Variants in MARS1 observed in about 807,000 individuals in gnomAD.
MARS1 encodes methionyl-tRNA synthetase 1.
Under a neutral mutation model 119.5 loss-of-function variants are expected in MARS1, and 80 were observed. The ratio of observed to expected loss-of-function variants is 0.67; its 90% confidence interval spans 0.56 to 0.81. The LOEUF (loss-of-function observed/expected upper bound fraction) is 0.81. MARS1 is among the 30% of genes least tolerant of loss of function. MARS1 has a pLI of 0.00. For synonymous variants in MARS1, 418 were observed against 433.4 expected, an observed-to-expected ratio of 0.96 and a Z score of 0.44; for missense variants, 945 against 1,116.5, an observed-to-expected ratio of 0.85 and a Z score of 2.19.
rs781196534 is a variant in MARS1 at position 57,489,415 on chromosome 12, G to C, written c.280-9G>C. 1 of 1,614,192 alleles carries C rather than the reference G, an allele frequency of 6.2e-7. No homozygotes were observed. Among genetic ancestry groups the C allele is most frequent in the South Asian group, 1.1e-5 (1 of 91,088 alleles). On this transcript the variant is annotated splice_polypyrimidine_tract_variant and intron_variant, in intron 3 of 20. Transcript: ENST00000262027. The stretch of plus-strand genomic sequence containing the variant: ...GTGGCCATCCTGACTCATGTCCCCT[G>C]CATTTTAGCCAGCTTTGTCTGCTGC...
At chr12:57,494,116 C>A (rs1459759878) in intron 7 of MARS1, among the ~76,000 whole-genome samples, 2 of 135,514 alleles carry the variant, frequency 1.5e-5, no homozygotes, top group Middle Eastern at 5.3e-3. Flanking sequence ...CCACCATGCC[C>A]AGCTAATTTT....
intron 7 of MARS1, among the ~76,000 whole-genome samples, chr12:57,492,042 G>A (rs1338369155): frequency 1.3e-5 from 2 of 152,034 alleles, no homozygotes; most frequent in African/African-American, 4.8e-5. Flanking sequence ...CACTTTGGGA[G>A]GCTGAGGTGG....
chr12:57,488,966 AT>A, intron 1 of MARS1, 52 bp from the exon 2 acceptor site: 1 of 1,335,784 alleles, frequency 7.5e-7, no homozygotes, highest in East Asian at 2.3e-5. Flanking sequence ...TTGACAAAGT[AT>A]TTCTTTTCTT....
Position 57,511,048 on chromosome 12 carries a change from G to C in MARS1, c.1369-650G>C, listed in dbSNP as rs572628308. On this transcript the variant is annotated intron_variant, in intron 11 of 20. Coordinates refer to ENST00000262027, the MANE Select transcript of MARS1 (RefSeq NM_004990.4). Reference sequence around the variant, plus strand: ...ATGATGTGCCACTGTACTCCAGCCTGGGTGACAGTGAGACCCTGATATGGA... The same window carrying C: ...ATGATGTGCCACTGTACTCCAGCCTCGGTGACAGTGAGACCCTGATATGGA... Among the ~76,000 whole-genome samples, 20 of 152,048 alleles carry C rather than the reference G, an allele frequency of 1.3e-4. No homozygotes were observed. In the East Asian group the frequency reaches 3.9e-3, roughly 30 times the overall value.
rs899653 is a variant in MARS1 at position 57,490,018 on chromosome 12, G to T, written c.490+47G>T. The T allele has an allele frequency of 6.4e-6, 10 of 1,565,034 alleles. No individual in the cohort carries two copies. In the African/African-American group the frequency reaches 1.4e-4, roughly 21 times the overall value. On this transcript the variant is annotated intron_variant, in intron 5 of 20. Coordinates refer to ENST00000262027, the MANE Select transcript of MARS1 (RefSeq NM_004990.4). ...CCAACCCTAGGAGCTTGGTGTAGGG[G>T]TTACAGAATGGGCAGTAGAATACTG...
At chr12:57,488,604 C>G in intron 1 of MARS1, 1 of 1,551,084 alleles carries the variant, frequency 6.4e-7, no homozygotes, top group Non-Finnish European at 8.7e-7. Flanking sequence ...ACGTTCCTTT[C>G]TGTTTACCTC....
intron 7 of MARS1, among the ~76,000 whole-genome samples, chr12:57,492,669 T>TCTCACACACACACA (rs1217908969): frequency 8.6e-5 from 12 of 139,546 alleles, no homozygotes; most frequent in African/African-American, 2.9e-4. Context: ...CGACTCCATT[T>TCTCACACACACACA]CACACACACA....
At chr12:57,492,210 C>T (rs1294189530) in intron 7 of MARS1, among the ~76,000 whole-genome samples, 3 of 147,180 alleles carry the variant, frequency 2.0e-5, no homozygotes, top group South Asian at 2.2e-4. Flanking sequence ...ACCTGGGAGG[C>T]GGAGGTTGCA....
Position 57,514,793 on chromosome 12 carries a change from C to T in MARS1, c.2041C>T (p.Leu681=). Reference sequence around the variant, plus strand: ...GGTGCTCACCCCTGATGATCAGCGCCTGCTGGCCCATGTCACCCTGGAGCT... The same window carrying T: ...GGTGCTCACCCCTGATGATCAGCGCTTGCTGGCCCATGTCACCCTGGAGCT... ...EMVLTPDDQR[L]LAHVTLELQH... Residue 681 remains leucine (L), a synonymous_variant, in exon 16 of 21, where the codon CTG becomes TTG. Transcript: ENST00000262027. 6.2e-7 allele frequency: 1 copy of T among 1,614,240 alleles called. No individual in the cohort carries two copies. Among genetic ancestry groups the T allele is most frequent in the Non-Finnish European group, 8.5e-7 (1 of 1,180,042 alleles).
In MARS1 at chr12:57,498,504, G is replaced by A. The variant is rs755505329; in HGVS notation, c.972G>A (p.Glu324=). 5.6e-6 allele frequency: 9 copies of A among 1,614,212 alleles called. No individual in the cohort carries two copies. The highest frequency in any genetic ancestry group is 1.6e-4 in the Middle Eastern group (1 of 6,062). ...CAGCAACAGAGACCAAGGCTCTGGA[G>A]GAGGGACTAACCCCCCAGGAGATCT... ...YGTATETKAL[E]EGLTPQEICD... The change falls in exon 9 of 21, where the codon GAG becomes GAA. Residue 324 remains glutamate, a synonymous_variant. Coordinates refer to ENST00000262027, the MANE Select transcript of MARS1 (RefSeq NM_004990.4).
chr12:57,489,617 A>C, intron 4 of MARS1, 59 bp downstream of exon 4: 1 of 1,606,848 alleles, frequency 6.2e-7, no homozygotes, highest in Non-Finnish European at 8.5e-7. Context: ...ATTAAGAGGG[A>C]AGACTGTATT....
In MARS1 at chr12:57,490,628, C is replaced by T. The variant is rs1179178469; in HGVS notation, c.754C>T (p.Pro252Ser). ...CCTAGAAAGTTTGCCCCCGCTGCGG[C>T]CCCAGCAGAATCCAGTGTGAGTAGA... is the stretch of plus-strand genomic sequence containing the variant. ...KGLESLPPLR[P>S]QQNPVLPVAG... is the part of the protein sequence containing the mutation. The change falls in exon 7 of 21, where the codon CCC becomes TCC. Residue 252 changes from proline (P) to serine (S), a missense_variant. Physicochemically the swap from Pro to Ser is moderately conservative, Grantham distance 74. Transcript: ENST00000262027. 1.9e-6 allele frequency: 3 copies of T among 1,614,018 alleles called. No homozygotes were observed. The highest frequency in any genetic ancestry group is 4.5e-5 in the East Asian group (2 of 44,874).
intron 7 of MARS1, among the ~76,000 whole-genome samples, chr12:57,492,349 T>C (rs904854415): frequency 2.0e-5 from 3 of 148,874 alleles, no homozygotes; most frequent in Non-Finnish European, 4.5e-5. Context: ...AGGTGACTAA[T>C]TTAGAGGCCT....
At chr12:57,493,886 A>T (rs868590009) in intron 7 of MARS1, among the ~76,000 whole-genome samples, 9 of 52,094 alleles carry the variant, frequency 1.7e-4, no homozygotes, top group African/African-American at 7.4e-4. Context: ...ATAATATATA[A>T]TATATATTTA....
At chr12:57,501,683 G>T (rs1876922673) in intron 10 of MARS1, among the ~76,000 whole-genome samples, 1 of 152,162 alleles carries the variant, frequency 6.6e-6, no homozygotes, top group Non-Finnish European at 1.5e-5. Context: ...TTAGCTGGGT[G>T]TGGTGGCGGA....
intron 7 of MARS1, among the ~76,000 whole-genome samples, chr12:57,497,221 T>TA (rs1876676580): frequency 1.3e-5 from 2 of 152,190 alleles, no homozygotes; most frequent in Non-Finnish European, 1.5e-5. Context: ...CAGAGAAAGT[T>TA]ACGATATTCA....
At chr12:57,490,166 G>T in intron 5 of MARS1, 41 bp from the exon 6 acceptor site, 2 of 1,593,446 alleles carry the variant, frequency 1.3e-6, no homozygotes, top group Middle Eastern at 1.8e-4. Context: ...TGCCTACCAG[G>T]TCCTTATGTT....
intron 1 of MARS1, chr12:57,488,776 C>T: frequency 3.1e-6 from 3 of 963,474 alleles, no homozygotes; most frequent in Non-Finnish European, 3.2e-6. Context: ...TATCCCAATA[C>T]CACCACCTCC....
Position 57,499,371 on chromosome 12 carries a change from G to A in MARS1, c.1091+748G>A, listed in dbSNP as rs189913943. On this transcript the variant is annotated intron_variant, in intron 9 of 20. Coordinates refer to ENST00000262027, the MANE Select transcript of MARS1 (RefSeq NM_004990.4). ...AGCACTTTGGGAGGCCGAGGCGGGC[G>A]GATCACGAGGTCAGGAGATCGAGAC... 2.0e-3 allele frequency among the ~76,000 whole-genome samples: 305 copies of A among 150,210 alleles called. 4 individuals carry two copies. In the East Asian group the frequency reaches 0.026, roughly 13 times the overall value.
Sources: allele counts gnomAD v4.1 joint callset (sites outside exome capture counted in the v4.1 genomes callset), GRCh38; gene constraint gnomAD v4.1.1; transcripts MANE v1.5; gene names NCBI Gene and HGNC (gene_info 2026-07-23, HGNC 2026-07-21).